The following SEC31A variants were observed in gnomAD, a reference collection of about 807,000 sequenced individuals.
SEC31A encodes the protein SEC31 homolog A, COPII component, also known as protein transport protein Sec31A.
Under a neutral mutation model 151.0 loss-of-function variants are expected in SEC31A, and 70 were observed. The ratio of observed to expected loss-of-function variants is 0.46; its 90% CI spans 0.38 to 0.57. SEC31A has a LOEUF of 0.57. SEC31A is among the 20% of genes least tolerant of loss of function. The pLI, the probability that SEC31A is intolerant of heterozygous loss-of-function variation, is 0.00. For synonymous variants in SEC31A, 475 were observed against 505.9 expected (o/e 0.94, Z 0.82); for missense variants, 1,330 against 1,471.2 (o/e 0.90, Z 1.57).
chr4:82,870,010 G>C (rs1386849610), intron 8 of SEC31A, among the ~76,000 whole-genome samples: 2 of 152,142 alleles, frequency 1.3e-5, no homozygotes, highest in African/African-American at 4.8e-5. Context: ...CTACATCGAA[G>C]ATACTGATTC....
intron 8 of SEC31A, among the ~76,000 whole-genome samples, chr4:82,867,680 G>A (rs1735704032): frequency 6.6e-6 from 1 of 151,994 alleles, no homozygotes; most frequent in Non-Finnish European, 1.5e-5. Context: ...CGCCCAGGCT[G>A]GAGTGCAATG....
intron 22 of SEC31A, among the ~76,000 whole-genome samples, chr4:82,840,497 T>C (rs4298130): frequency 6.6e-6 from 1 of 152,244 alleles, no homozygotes; most frequent in African/African-American, 2.4e-5. Context: ...TAGTTAAGGA[T>C]TATGCATACA....
rs1553936024 is a variant in SEC31A at position 82,879,384 on chromosome 4, A to AGG, written c.204-458_204-457dup. Among the ~76,000 whole-genome samples, 142 of 149,844 alleles carry AGG rather than the reference A, an allele frequency of 9.5e-4. 3 individuals carry two copies. In the South Asian group the frequency reaches 0.03, roughly 31 times the overall value. ...TGACCTTTGTCTGAAAAAAAAAAAA[A>AGG]GGGGGGGTCACTAACAAGTGGTCTG... On this transcript the variant is annotated intron_variant, in intron 3 of 26. Transcript: ENST00000395310.
intron 25 of SEC31A, among the ~76,000 whole-genome samples, chr4:82,821,854 G>A (rs1405032176): frequency 6.6e-6 from 1 of 152,184 alleles, no homozygotes; most frequent in Non-Finnish European, 1.5e-5. Context: ...TAGGTGAACT[G>A]TGGAATCTTG....
chr4:82,891,063 G>A, intron 1 of SEC31A, 25 bp downstream of exon 1: 20 of 1,535,880 alleles, frequency 1.3e-5, no homozygotes, highest in Non-Finnish European at 1.7e-5. Flanking sequence ...CGGCGAAGAG[G>A]ACAAAAAGCA....
At chr4:82,871,860 T>C (rs1736749728) in intron 7 of SEC31A, 84 bp downstream of exon 7, 2 of 1,577,420 alleles carry the variant, frequency 1.3e-6, no homozygotes, top group Non-Finnish European at 1.7e-6. Flanking sequence ...TCCTGTGTCC[T>C]ATGGTGTATT....
At chr4:82,862,770 A>C (rs1734477726) in intron 12 of SEC31A, among the ~76,000 whole-genome samples, 198 bp from the exon 13 acceptor site, 1 of 152,256 alleles carries the variant, frequency 6.6e-6, no homozygotes, top group Admixed American at 6.5e-5. Context: ...ATTAGAAATA[A>C]TCCGACAATC....
intron 7 of SEC31A, among the ~76,000 whole-genome samples, chr4:82,870,630 G>A (rs1736443911): frequency 6.6e-6 from 1 of 152,086 alleles, no homozygotes; most frequent in South Asian, 2.1e-4. Flanking sequence ...CCTGGGAGGT[G>A]GAGGCTGCAG....
chr4:82,897,481 A>G (rs1720112537), intron 3 of SEC31A, among the ~76,000 whole-genome samples: 1 of 152,206 alleles, frequency 6.6e-6, no homozygotes, highest in South Asian at 2.1e-4. Context: ...TATTATGAGA[A>G]ATAAATATTG....
intron 21 of SEC31A, 157 bp from the exon 22 acceptor site, chr4:82,842,638 C>G: frequency 1.7e-6 from 1 of 604,700 alleles, no homozygotes; most frequent in Non-Finnish European, 2.9e-6. Context: ...TTTTGAGGCT[C>G]AAATGCCCCA....
chr4:82,886,741 T>C (rs1343970238), intron 1 of SEC31A, among the ~76,000 whole-genome samples: 3 of 152,222 alleles, frequency 2.0e-5, no homozygotes, highest in South Asian at 2.1e-4. Context: ...GACAAGTTTG[T>C]ACTTGTCAAT....
chr4:82,857,731 G>C lies in SEC31A; in HGVS notation c.1660C>G (p.Leu554Val). The change falls in exon 15 of 27, where the codon CTA (leucine) becomes GTA (valine). Residue 554 changes from leucine (L) to valine (V), a missense_variant. Transcript: ENST00000395310. ...TTAAATGTTCCTCCAGATGAGGGTA[G>C]AAATTCAGATTCTTCTTTTTCCTCT... is the stretch of plus-strand genomic sequence containing the variant. ...IKEEKEESEF[L>V]PSSGGTFNIS... is the part of the protein sequence containing the mutation. The C allele has an allele frequency of 6.2e-7, 1 of 1,603,732 alleles. No individual in the cohort carries two copies. The highest frequency in any genetic ancestry group is 8.5e-7 in the Non-Finnish European group (1 of 1,171,054).
At position 82,899,866 on chromosome 4, in the gene SEC31A, G is replaced by A. The variant is rs1397323812; in HGVS notation, c.-26-129C>T. The A allele has an allele frequency of 3.9e-5, 6 of 152,710 alleles. No homozygotes were observed. The East Asian group carries it at 5.8e-4, about 15-fold the overall frequency. 9.5% of individuals were successfully genotyped at this position (152,710 alleles called of 1,614,324 possible). A position where few individuals can be genotyped will look rare whatever the true frequency, so the allele number is the denominator to read the frequency against. On this transcript the variant is annotated intron_variant, in intron 2 of 28. Coordinates refer to the SEC31A transcript ENST00000355196. Reference sequence around the variant, plus strand: ...CCTTCTCTGTTTTCTGTATGCTAAGGATCTCCTTCTCAGAGACAAAAACCC... The same window carrying A: ...CCTTCTCTGTTTTCTGTATGCTAAGAATCTCCTTCTCAGAGACAAAAACCC...
chr4:82,827,351 C>G lies in SEC31A; in HGVS notation c.3291+18G>C. 6.2e-7 allele frequency: 1 copy of G among 1,608,488 alleles called. No individual in the cohort carries two copies. The highest frequency in any genetic ancestry group is 1.1e-5 in the South Asian group (1 of 90,628). ...ACACAGCCATCTTCCCATTCCACTTCTACAAATTTACTGTTACCTGGAAGG... is the reference window on the plus strand; with the variant it reads ...ACACAGCCATCTTCCCATTCCACTTGTACAAATTTACTGTTACCTGGAAGG... On this transcript the variant is annotated intron_variant, in intron 24 of 26. Transcript: ENST00000395310.
intron 22 of SEC31A, 89 bp downstream of exon 22, chr4:82,842,047 TACAA>T (rs1729033278): frequency 9.3e-7 from 1 of 1,077,832 alleles, no homozygotes; most frequent in Non-Finnish European, 1.3e-6. Context: ...TTACCCAGTT[TACAA>T]ACAGTTAGAA....
At position 82,818,935 on chromosome 4, in the gene SEC31A, T is replaced by A. The variant is rs1722760116; in HGVS notation, c.*139A>T. ...TCTGAGCAGTTCTAAGGTGAGTATA[T>A]CAGCAGAAATAGTGTAAATGCTCTT... is the stretch of plus-strand genomic sequence containing the variant. On this transcript the variant is annotated 3_prime_UTR_variant, in exon 27 of 27. Coordinates refer to ENST00000395310, the MANE Select transcript of SEC31A (RefSeq NM_001077207.4). The A allele has an allele frequency of 3.3e-6, 2 of 601,036 alleles. No individual in the cohort carries two copies. Among genetic ancestry groups the A allele is most frequent in the African/African-American group, 3.7e-5 (2 of 53,532 alleles). 37.2% of individuals were successfully genotyped at this position (601,036 alleles called of 1,614,324 possible). A position where few individuals can be genotyped will look rare whatever the true frequency, so the allele number is the denominator to read the frequency against.
chr4:82,860,276 T>C (rs1349865185), intron 14 of SEC31A, among the ~76,000 whole-genome samples: 1 of 152,126 alleles, frequency 6.6e-6, no homozygotes, highest in Non-Finnish European at 1.5e-5. Flanking sequence ...AGATTTTACC[T>C]CCTTAAACAC....
intron 8 of SEC31A, among the ~76,000 whole-genome samples, chr4:82,869,366 G>A (rs1393597175): frequency 1.3e-5 from 2 of 149,270 alleles, no homozygotes; most frequent in African/African-American, 2.5e-5. Context: ...TCCTGACCTC[G>A]TGCTCTGCCC....
intron 3 of SEC31A, among the ~76,000 whole-genome samples, chr4:82,899,269 T>C (rs1015413237): frequency 9.9e-5 from 15 of 152,228 alleles, no homozygotes; most frequent in African/African-American, 3.4e-4. Flanking sequence ...TGTTCTAATA[T>C]TGATTGTGAC....
Sources: allele counts gnomAD v4.1 joint callset (sites outside exome capture counted in the v4.1 genomes callset), GRCh38; gene constraint gnomAD v4.1.1; transcripts MANE v1.5; gene names NCBI Gene and HGNC (gene_info 2026-07-23, HGNC 2026-07-21).